Variants in DAB1 observed in about 807,000 individuals in gnomAD.
DAB1 encodes disabled homolog 1.
DAB1 carries 15 observed loss-of-function variants against 64.6 expected under a neutral mutation model. That is an observed-to-expected ratio of 0.23 (90% CI 0.16 to 0.36). DAB1 has a LOEUF of 0.36. Ranked by LOEUF, DAB1 falls within the 10% of genes least tolerant of loss-of-function variation. DAB1 has a pLI of 1.00. For missense variants in DAB1, 596 were observed against 706.7 expected (o/e 0.84, Z 1.78); for synonymous variants, 235 against 251.9 (o/e 0.93, Z 0.64).
intron 3 of DAB1, among the ~76,000 whole-genome samples, chr1:58,452,822 CA>C (rs1369898951): frequency 6.7e-6 from 1 of 149,518 alleles, no homozygotes; most frequent in East Asian, 2.0e-4. Context: ...AGAGAGACTC[CA>C]TCTCAAAAAA....
intron 1 of DAB1, among the ~76,000 whole-genome samples, chr1:57,338,219 A>G (rs34553708): frequency 0.021 from 3,262 of 152,170 alleles, 44 homozygotes; most frequent in South Asian, 0.052. Flanking sequence ...TCCTGGGCTC[A>G]AGAGATCTGC....
intron 5 of DAB1, among the ~76,000 whole-genome samples, chr1:58,149,873 A>C (rs1418765): frequency 0.21 from 32,704 of 152,124 alleles, 3,823 homozygotes; most frequent in East Asian, 0.44. Context: ...TAAAGGATAA[A>C]AGAAATAGAA....
At chr1:57,242,427 G>A (rs372223352) in intron 2 of DAB1, among the ~76,000 whole-genome samples, 1 of 152,112 alleles carries the variant, frequency 6.6e-6, no homozygotes, top group Non-Finnish European at 1.5e-5. Context: ...GGGGAAGTAG[G>A]TAAATACACA....
chr1:57,135,406 C>T (rs1657995383), intron 4 of DAB1, among the ~76,000 whole-genome samples: 1 of 152,184 alleles, frequency 6.6e-6, no homozygotes, highest in South Asian at 2.1e-4. Context: ...GTCTTCAAGG[C>T]TCATACACAT....
Position 57,431,150 on chromosome 1 carries a change from A to AAAAAAG in DAB1, n.626-139985_626-139984insCTTTTT, listed in dbSNP as rs1685496615. ...AGTATTTCAGGCCAAAAACAAAAAA[A>AAAAAAG]AAAAAAAGAAAAACAAAAAAAAAGA... On this transcript the variant is annotated intron_variant and non_coding_transcript_variant, in intron 7 of 20. Transcript: ENST00000485760. Among the ~76,000 whole-genome samples the AAAAAAG allele has an allele frequency of 3.3e-5, 5 of 151,768 alleles. No individual in the cohort carries two copies. In the South Asian group the frequency reaches 8.3e-4, roughly 25 times the overall value.
intron 3 of DAB1, among the ~76,000 whole-genome samples, chr1:58,429,302 C>T (rs767239088): frequency 7.2e-5 from 11 of 152,050 alleles, no homozygotes; most frequent in Non-Finnish European, 1.5e-4. Flanking sequence ...TAAAGGGCAA[C>T]AAAAGTTATA....
chr1:57,314,639 T>C (rs1322653557), intron 1 of DAB1, among the ~76,000 whole-genome samples: 1 of 151,910 alleles, frequency 6.6e-6, no homozygotes, highest in East Asian at 1.9e-4. Flanking sequence ...AGGGATAAGC[T>C]AGGCCTGGTG....
intron 5 of DAB1, among the ~76,000 whole-genome samples, chr1:57,918,802 C>A (rs888815865): frequency 6.6e-6 from 1 of 151,492 alleles, no homozygotes; most frequent in African/African-American, 2.4e-5. Flanking sequence ...CCAGCCTGGT[C>A]GACAGAGCGA....
At chr1:57,724,830 T>C (rs1375240155) in intron 6 of DAB1, among the ~76,000 whole-genome samples, 1 of 152,194 alleles carries the variant, frequency 6.6e-6, no homozygotes, top group Non-Finnish European at 1.5e-5. Context: ...CCTGGAATTC[T>C]GGAGGGTGAC....
intron 6 of DAB1, among the ~76,000 whole-genome samples, chr1:57,720,804 G>C (rs1265736604): frequency 6.6e-6 from 1 of 151,948 alleles, no homozygotes; most frequent in Non-Finnish European, 1.5e-5. Flanking sequence ...TTTTCTCCTT[G>C]TCTTACTGGT....
chr1:58,009,869 C>T (rs1328296412), intron 5 of DAB1, among the ~76,000 whole-genome samples: 2 of 152,120 alleles, frequency 1.3e-5, no homozygotes, highest in Non-Finnish European at 2.9e-5. Flanking sequence ...TCATCATTGT[C>T]GTCACTGGGA....
chr1:58,287,733 T>C (rs1035237828), intron 4 of DAB1, among the ~76,000 whole-genome samples: 12 of 151,532 alleles, frequency 7.9e-5, no homozygotes, highest in African/African-American at 2.9e-4. Flanking sequence ...TCAAAAGGAG[T>C]AGCAAAGTCC....
At chr1:58,167,762 C>T (rs191339608) in intron 4 of DAB1, among the ~76,000 whole-genome samples, 5 of 152,324 alleles carry the variant, frequency 3.3e-5, no homozygotes, top group African/African-American at 9.6e-5. Context: ...ACTCCGGACG[C>T]ACCACCTTTA....
chr1:57,043,585 G>A (rs574795753), intron 9 of DAB1, among the ~76,000 whole-genome samples: 30 of 152,322 alleles, frequency 2.0e-4, no homozygotes, highest in South Asian at 1.0e-3. Context: ...GGCGGCTCAC[G>A]CCTGTAATCC....
intron 7 of DAB1, among the ~76,000 whole-genome samples, chr1:57,440,165 T>C (rs918030891): frequency 1.3e-5 from 2 of 152,216 alleles, no homozygotes; most frequent in Non-Finnish European, 2.9e-5. Flanking sequence ...CTCTGACCAT[T>C]CTTTCTTCTT....
At chr1:57,925,813 G>A (rs1484965295) in intron 5 of DAB1, among the ~76,000 whole-genome samples, 1 of 152,122 alleles carries the variant, frequency 6.6e-6, no homozygotes, top group Non-Finnish European at 1.5e-5. Flanking sequence ...GGGGATGGAG[G>A]AGGCAGTCAT....
At chr1:57,879,269 C>T (rs564747927) in intron 1 of DAB1, among the ~76,000 whole-genome samples, 2 of 152,270 alleles carry the variant, frequency 1.3e-5, no homozygotes, top group East Asian at 3.9e-4. Flanking sequence ...GGGCTGTCTG[C>T]CATTTCCAGA....
At chr1:57,642,241 T>C (rs72676991) in intron 7 of DAB1, among the ~76,000 whole-genome samples, 45,213 of 152,034 alleles carry the variant, frequency 0.3, 6,989 homozygotes, top group Admixed American at 0.36. Context: ...TAATATACCA[T>C]GTTAAGTGAT....
chr1:58,176,608 G>A (rs2100776197), intron 4 of DAB1, among the ~76,000 whole-genome samples: 1 of 152,218 alleles, frequency 6.6e-6, no homozygotes, highest in East Asian at 1.9e-4. Context: ...GAGCAAGTGG[G>A]GGCCAAACTC....
Sources: allele counts gnomAD v4.1 joint callset (sites outside exome capture counted in the v4.1 genomes callset), GRCh38; gene constraint gnomAD v4.1.1; transcripts MANE v1.5; gene names NCBI Gene and HGNC (gene_info 2026-07-23, HGNC 2026-07-21).